ZNF608: variants seen among roughly 807,000 people sequenced by gnomAD.
ZNF608 encodes renal carcinoma antigen NY-REN-36.
ZNF608 carries 12 observed loss-of-function variants against 109.0 expected under a neutral mutation model. The observed-to-expected ratio is 0.11, with a 90% CI of 0.07 to 0.18. ZNF608 has a LOEUF of 0.18. ZNF608 is among the 10% of genes least tolerant of loss of function. The pLI is 1.00. For missense variants in ZNF608, 1,707 were observed against 1,879.3 expected, an observed-to-expected ratio of 0.91 and a Z score of 1.70; for synonymous variants, 732 against 717.4, an observed-to-expected ratio of 1.02 and a Z score of -0.33.
chr5:124,648,867 A>G lies in ZNF608; in HGVS notation c.1517T>C (p.Met506Thr), dbSNP rs1436764939. ...AGAGCTGGAGTTCAGGTCCAGCTCC[A>G]TTGGAGGCTTGTTTTTCCTTTTGTT... ...STNKRKNKPP[M>T]ELDLNSSSED... Residue 506 changes from methionine to threonine, a missense_variant, in exon 5 of 10, where the codon ATG becomes ACG. Transcript: ENST00000513986. 1 of 1,613,884 alleles carries G rather than the reference A, an allele frequency of 6.2e-7. No individual in the cohort carries two copies. The highest frequency in any genetic ancestry group is 8.5e-7 in the Non-Finnish European group (1 of 1,179,940).
At chr5:124,652,810 G>A (rs900714449) in intron 3 of ZNF608, among the ~76,000 whole-genome samples, 3 of 152,178 alleles carry the variant, frequency 2.0e-5, no homozygotes, top group Non-Finnish European at 4.4e-5. Flanking sequence ...AGGCATAAAT[G>A]CCCATGATGA....
At chr5:124,731,242 G>T (rs1005422130) in intron 2 of ZNF608, among the ~76,000 whole-genome samples, 1 of 152,110 alleles carries the variant, frequency 6.6e-6, no homozygotes, top group Admixed American at 6.5e-5. Flanking sequence ...ACGGAGTCTC[G>T]CTCTGTGGCC....
At chr5:124,706,752 T>C (rs1199890643) in intron 2 of ZNF608, among the ~76,000 whole-genome samples, 1 of 152,066 alleles carries the variant, frequency 6.6e-6, no homozygotes, top group African/African-American at 2.4e-5. Context: ...GACCCATAAG[T>C]CTAACAGCTG....
At chr5:124,725,526 A>G (rs1754102910) in intron 2 of ZNF608, among the ~76,000 whole-genome samples, 1 of 152,064 alleles carries the variant, frequency 6.6e-6, no homozygotes, top group Non-Finnish European at 1.5e-5. Flanking sequence ...CATTCTAATT[A>G]TTTTTGCTGT....
chr5:124,729,964 A>G (rs1748818986), intron 2 of ZNF608, among the ~76,000 whole-genome samples: 1 of 152,244 alleles, frequency 6.6e-6, no homozygotes, highest in Non-Finnish European at 1.5e-5. Flanking sequence ...TCAGGCTCAA[A>G]TAACATGGAA....
chr5:124,720,161 A>G (rs548216828), intron 2 of ZNF608, among the ~76,000 whole-genome samples: 1 of 152,264 alleles, frequency 6.6e-6, no homozygotes, highest in South Asian at 2.1e-4. Flanking sequence ...TGTATTTTTT[A>G]TTTTAGAAAA....
chr5:124,724,496 C>CAAAAAA (rs5871102), intron 2 of ZNF608, among the ~76,000 whole-genome samples: 1 of 100,082 alleles, frequency 1.0e-5, no homozygotes, highest in African/African-American at 3.7e-5. Flanking sequence ...GCAAAGAGTG[C>CAAAAAA]AAAAAAAAAA....
chr5:124,669,657 A>AC (rs1491173616), intron 3 of ZNF608, among the ~76,000 whole-genome samples: 130 of 82,688 alleles, frequency 1.6e-3, no homozygotes, highest in African/African-American at 6.2e-3. Context: ...AAACACACAC[A>AC]AACACACACA....
intron 8 of ZNF608, among the ~76,000 whole-genome samples, chr5:124,639,699 T>C (rs1240770922): frequency 6.6e-6 from 1 of 152,216 alleles, no homozygotes; most frequent in African/African-American, 2.4e-5. Flanking sequence ...GAAATGCTCT[T>C]AACTTTCACC....
At chr5:124,698,615 CAGGAGA>C (rs1219280906) in intron 3 of ZNF608, among the ~76,000 whole-genome samples, 1 of 152,242 alleles carries the variant, frequency 6.6e-6, no homozygotes, top group Non-Finnish European at 1.5e-5. Flanking sequence ...CAGTTGGACT[CAGGAGA>C]CCAGTTTTTC....
chr5:124,713,643 T>C (rs1753585832), intron 2 of ZNF608, among the ~76,000 whole-genome samples: 1 of 152,258 alleles, frequency 6.6e-6, no homozygotes, highest in Non-Finnish European at 1.5e-5. Context: ...ATATCCGTGA[T>C]GTTGCCTCTT....
intron 2 of ZNF608, among the ~76,000 whole-genome samples, chr5:124,741,111 A>T (rs930077503): frequency 6.6e-6 from 1 of 152,196 alleles, no homozygotes; most frequent in African/African-American, 2.4e-5. Flanking sequence ...AAAATGGGCT[A>T]CAGAAATATA....
intron 8 of ZNF608, among the ~76,000 whole-genome samples, chr5:124,639,925 T>C (rs1424855058): frequency 6.6e-6 from 1 of 152,202 alleles, no homozygotes; most frequent in South Asian, 2.1e-4. Context: ...ATAACAATAA[T>C]ATTATCTTAA....
Position 124,696,709 on chromosome 5 carries a change from C to T in ZNF608, c.1162+4305G>A, listed in dbSNP as rs369090777. Among the ~76,000 whole-genome samples, 24 of 152,314 alleles carry T rather than the reference C, an allele frequency of 1.6e-4. No homozygotes were observed. The East Asian group carries it at 4.4e-3, about 28-fold the overall frequency. Reference sequence around the variant, plus strand: ...CACAGTGATTAAACAACCCTGCTCACCTGCCATAGCATCTTGATAGACACT... The same window carrying T: ...CACAGTGATTAAACAACCCTGCTCATCTGCCATAGCATCTTGATAGACACT... On this transcript the variant is annotated intron_variant, in intron 3 of 9. Transcript: ENST00000513986.
chr5:124,663,806 T>C (rs1004367951), intron 3 of ZNF608, among the ~76,000 whole-genome samples: 1 of 152,202 alleles, frequency 6.6e-6, no homozygotes, highest in African/African-American at 2.4e-5. Context: ...TGATAAGCTT[T>C]CCAAAAAGGT....
At chr5:124,729,190 A>C (rs554436008) in intron 2 of ZNF608, among the ~76,000 whole-genome samples, 34 of 152,330 alleles carry the variant, frequency 2.2e-4, no homozygotes, top group Middle Eastern at 3.4e-3. Context: ...ATGCTGTTTT[A>C]AAAGAAGGCT....
At chr5:124,667,994 C>T (rs894546407) in intron 3 of ZNF608, among the ~76,000 whole-genome samples, 9 of 151,792 alleles carry the variant, frequency 5.9e-5, no homozygotes, top group Non-Finnish European at 8.8e-5. Flanking sequence ...TGACAAGGTA[C>T]GTGAATCACA....
intron 2 of ZNF608, among the ~76,000 whole-genome samples, chr5:124,742,949 C>T (rs1485756911): frequency 6.6e-6 from 1 of 152,208 alleles, no homozygotes; most frequent in Non-Finnish European, 1.5e-5. Context: ...AAGCTTGCTT[C>T]TGCAAGGCAC....
At chr5:124,675,983 T>C (rs1751931711) in intron 3 of ZNF608, among the ~76,000 whole-genome samples, 1 of 152,130 alleles carries the variant, frequency 6.6e-6, no homozygotes, top group Non-Finnish European at 1.5e-5. Context: ...TGCCAAGAGC[T>C]AAAAGACATG....
Sources: gnomAD v4.1 joint callset for allele counts (sites outside exome capture counted in the v4.1 genomes callset) on GRCh38, gnomAD v4.1.1 for gene constraint, MANE v1.5 for transcripts, NCBI Gene and HGNC (gene_info 2026-07-23, HGNC 2026-07-21) for gene names.